NSUN3: variants seen among roughly 807,000 people sequenced by gnomAD.
NSUN3 encodes tRNA (cytosine(34)-C(5))-methyltransferase, mitochondrial.
In NSUN3, 24 loss-of-function variants were observed where a neutral mutation model predicts 36.8. That is an observed-to-expected ratio of 0.65 (90% CI 0.47 to 0.92). NSUN3 has a LOEUF of 0.92. Among genes scored for constraint, NSUN3 ranks in the 40% least tolerant of loss-of-function variants. The probability of loss-of-function intolerance (pLI) is 0.00; values close to 1 mark genes in which losing one functional copy is unlikely to be tolerated. For synonymous variants in NSUN3, 146 were observed against 145.2 expected (o/e 1.01, Z -0.04); for missense variants, 381 against 392.8 (o/e 0.97, Z 0.25).
chr3:94,116,941 C>CA (rs1002961759), intron 5 of NSUN3, among the ~76,000 whole-genome samples: 11 of 143,910 alleles, frequency 7.6e-5, no homozygotes, highest in African/African-American at 2.5e-4. Flanking sequence ...AATAGCCTTA[C>CA]ATGAGTTTAG....
intron 5 of NSUN3, among the ~76,000 whole-genome samples, chr3:94,122,519 C>G (rs1035948197): frequency 2.6e-5 from 4 of 152,138 alleles, no homozygotes; most frequent in Non-Finnish European, 4.4e-5. Flanking sequence ...ATCACACTAC[C>G]CTGCACCCTG....
chr3:94,102,712 A>G (rs1027772526), intron 5 of NSUN3, among the ~76,000 whole-genome samples: 7 of 152,136 alleles, frequency 4.6e-5, no homozygotes, highest in African/African-American at 1.4e-4. Flanking sequence ...TACACATTCA[A>G]TGAAATGATA....
chr3:94,102,729 T>G (rs1299810332), intron 5 of NSUN3, among the ~76,000 whole-genome samples: 1 of 152,246 alleles, frequency 6.6e-6, no homozygotes, highest in African/African-American at 2.4e-5. Flanking sequence ...GATAAAAGAT[T>G]GAGGAGCCAT....
At chr3:94,110,673 A>G (rs929495862) in intron 5 of NSUN3, among the ~76,000 whole-genome samples, 1 of 152,072 alleles carries the variant, frequency 6.6e-6, no homozygotes, top group Admixed American at 6.5e-5. Context: ...TTGGCATGGC[A>G]CAGTAAGAAT....
chr3:94,096,391 G>A (rs1206410198), intron 5 of NSUN3, among the ~76,000 whole-genome samples: 3 of 152,006 alleles, frequency 2.0e-5, no homozygotes, highest in Non-Finnish European at 2.9e-5. Context: ...TTATACCACC[G>A]TTCCCTTTTA....
chr3:94,064,297 T>C, intron 1 of NSUN3, 140 bp from the exon 2 acceptor site: 1 of 617,154 alleles, frequency 1.6e-6, no homozygotes, highest in African/African-American at 1.8e-5. Context: ...TTTTGGTACA[T>C]GTAAGGTATT....
At chr3:94,101,273 C>T (rs982552096) in intron 5 of NSUN3, among the ~76,000 whole-genome samples, 3 of 151,944 alleles carry the variant, frequency 2.0e-5, no homozygotes, top group Non-Finnish European at 2.9e-5. Context: ...ACCATAAGCA[C>T]GAGCCACTGT....
At chr3:94,096,235 C>T (rs1365899394) in intron 5 of NSUN3, among the ~76,000 whole-genome samples, 1 of 152,086 alleles carries the variant, frequency 6.6e-6, no homozygotes, top group Non-Finnish European at 1.5e-5. Flanking sequence ...AATACATAGC[C>T]TTGTATCAGA....
chr3:94,123,131 T>C (rs1448515192), intron 5 of NSUN3, among the ~76,000 whole-genome samples: 1 of 152,200 alleles, frequency 6.6e-6, no homozygotes, highest in East Asian at 1.9e-4. Flanking sequence ...TCATTTCATC[T>C]CTTTTACTTC....
intron 2 of NSUN3, chr3:94,076,740 G>A (rs1456917182): frequency 2.1e-6 from 3 of 1,419,426 alleles, no homozygotes; most frequent in Admixed American, 3.4e-5. Flanking sequence ...TCACTGGAAG[G>A]AGTCTTTGTT....
intron 3 of NSUN3, among the ~76,000 whole-genome samples, chr3:94,089,970 A>G (rs941980877): frequency 5.3e-5 from 8 of 152,178 alleles, no homozygotes; most frequent in Non-Finnish European, 1.2e-4. Flanking sequence ...TCATTATTCC[A>G]ATTATAATAT....
At chr3:94,119,575 G>A (rs904831327) in intron 5 of NSUN3, among the ~76,000 whole-genome samples, 2 of 150,970 alleles carry the variant, frequency 1.3e-5, no homozygotes, top group African/African-American at 4.8e-5. Flanking sequence ...GTTCCTAATA[G>A]GTCACAGACT....
chr3:94,071,753 GACTA>G (rs1239711880), intron 2 of NSUN3, among the ~76,000 whole-genome samples: 5 of 152,202 alleles, frequency 3.3e-5, no homozygotes, highest in African/African-American at 1.2e-4. Context: ...AGCCGCTTCA[GACTA>G]ACTGTGAATC....
At position 94,094,942 on chromosome 3, in the gene NSUN3, T is replaced by G. The variant is rs143724916; in HGVS notation, c.622-91T>G. 10 of 1,284,450 alleles carry G rather than the reference T, an allele frequency of 7.8e-6. No homozygotes were observed. The East Asian group carries it at 2.4e-4, about 30-fold the overall frequency. 79.6% of individuals were successfully genotyped at this position (1,284,450 alleles called of 1,614,324 possible). A position where few individuals can be genotyped will look rare whatever the true frequency, so the allele number is the denominator to read the frequency against. ...ATGTTTTTACTTATTTCCTATTTGT[T>G]TACCATGTTTTAGAGAACTTCTCTA... On this transcript the variant is annotated intron_variant, in intron 4 of 5. Coordinates refer to ENST00000314622, the MANE Select transcript of NSUN3 (RefSeq NM_022072.5).
rs1323516385 is a variant in NSUN3 at position 94,067,259 on chromosome 3, C to T, written c.122+2713C>T. ...CAAAAGTTGACCTCGTTGATGATTCCGTTGGAGAGGACAGCTGGAAGCTTC... is the reference window on the plus strand; with the variant it reads ...CAAAAGTTGACCTCGTTGATGATTCTGTTGGAGAGGACAGCTGGAAGCTTC... On this transcript the variant is annotated intron_variant, in intron 2 of 5. Transcript: ENST00000314622. Among the ~76,000 whole-genome samples, 5 of 152,268 alleles carry T rather than the reference C, an allele frequency of 3.3e-5. No homozygotes were observed. The South Asian group carries it at 8.3e-4, about 25-fold the overall frequency.
At chr3:94,093,899 A>G (rs2077326464) in intron 3 of NSUN3, among the ~76,000 whole-genome samples, 1 of 152,202 alleles carries the variant, frequency 6.6e-6, no homozygotes, top group Non-Finnish European at 1.5e-5. Context: ...AGAGCTTCTG[A>G]GAGACTGTGT....
chr3:94,086,415 C>T (rs1032069218), intron 3 of NSUN3, among the ~76,000 whole-genome samples: 3 of 152,220 alleles, frequency 2.0e-5, no homozygotes, highest in African/African-American at 7.2e-5. Flanking sequence ...GAAGTGTTCT[C>T]CTCCTTTAGG....
intron 2 of NSUN3, chr3:94,076,931 A>T: frequency 8.8e-7 from 1 of 1,132,430 alleles, no homozygotes; most frequent in East Asian, 2.3e-5. Context: ...CACACTGGCT[A>T]TAACAAGATG....
chr3:94,089,649 TAAGG>T (rs1173585739), intron 3 of NSUN3, among the ~76,000 whole-genome samples: 1 of 152,122 alleles, frequency 6.6e-6, no homozygotes, highest in African/African-American at 2.4e-5. Flanking sequence ...AGCTCACCCT[TAAGG>T]AAGAATGAAG....
Sources: gnomAD v4.1 joint callset for allele counts (sites outside exome capture counted in the v4.1 genomes callset) on GRCh38, gnomAD v4.1.1 for gene constraint, MANE v1.5 for transcripts, NCBI Gene and HGNC (gene_info 2026-07-23, HGNC 2026-07-21) for gene names.